DMAC2L: variants seen among roughly 807,000 people sequenced by gnomAD.
DMAC2L encodes the protein ATP synthase subunit s, mitochondrial.
Under a neutral mutation model 22.5 loss-of-function variants are expected in DMAC2L, and 21 were observed. The ratio of observed to expected loss-of-function variants is 0.93; its 90% CI spans 0.66 to 1.34. DMAC2L has a LOEUF of 1.34. Among genes scored for constraint, DMAC2L ranks in the 40% most tolerant of loss-of-function variants. The pLI is 0.00. For synonymous variants in DMAC2L, 86 were observed against 89.5 expected, an observed-to-expected ratio of 0.96 and a Z score of 0.22; for missense variants, 239 against 246.5, an observed-to-expected ratio of 0.97 and a Z score of 0.20.
upstream of DMAC2L, chr14:50,312,150 T>C (rs1477101414): frequency 6.2e-7 from 1 of 1,609,792 alleles, no homozygotes; most frequent in Non-Finnish European, 8.5e-7. Flanking sequence ...GCTGGCACCA[T>C]CCCCTACGCA....
chr14:50,314,641 A>G lies in DMAC2L; in HGVS notation c.-6+15A>G. Reference sequence around the variant, plus strand: ...TGGGTCATATGGTAAGTGCATGTTTATTTTTTATTTTTATTTTTGAGACAG... The same window carrying G: ...TGGGTCATATGGTAAGTGCATGTTTGTTTTTTATTTTTATTTTTGAGACAG... On this transcript the variant is annotated intron_variant, in intron 2 of 5. Transcript: ENST00000557421. 2.2e-6 allele frequency: 1 copy of G among 454,098 alleles called. No homozygotes were observed. Among genetic ancestry groups the G allele is most frequent in the South Asian group, 1.6e-5 (1 of 64,446 alleles). The allele number at this position is 454,098 out of a possible 1,614,324, so 28.1% of individuals were successfully genotyped here.
In DMAC2L at chr14:50,327,637, G is replaced by T. The variant is rs1026175725; in HGVS notation, c.*1914G>T. 1 of 151,850 alleles carries T rather than the reference G, an allele frequency of 6.6e-6. No homozygotes were observed. The highest frequency in any genetic ancestry group is 1.5e-5 in the Non-Finnish European group (1 of 68,042). 9.4% of individuals were successfully genotyped at this position (151,850 alleles called of 1,614,324 possible). The stretch of plus-strand genomic sequence containing the variant: ...CCACCACCACGCCCAGCTAATTTTT[G>T]TACTTTTAGTAGAGACAGGGTTTCA... On this transcript the variant is annotated 3_prime_UTR_variant, in exon 6 of 6. Coordinates refer to ENST00000557421, the MANE Select transcript of DMAC2L (RefSeq NM_001382507.1).
chr14:50,311,970 G>A (rs1444343397), upstream of DMAC2L: 5 of 1,543,360 alleles, frequency 3.2e-6, no homozygotes, highest in Admixed American at 2.0e-5. Flanking sequence ...CTCCGCGAGG[G>A]GCAGCAGCGC....
Position 50,324,068 on chromosome 14 carries a change from C to T in DMAC2L, c.440C>T (p.Ser147Phe). 1 of 1,613,860 alleles carries T rather than the reference C, an allele frequency of 6.2e-7. No individual in the cohort carries two copies. Among genetic ancestry groups the T allele is most frequent in the Non-Finnish European group, 8.5e-7 (1 of 1,179,900 alleles). The change falls in exon 5 of 6, where the codon TCC becomes TTC. Residue 147 changes from serine (S) to phenylalanine (F), a missense_variant. Coordinates refer to ENST00000557421, the MANE Select transcript of DMAC2L (RefSeq NM_001382507.1). ...ACCATATTGGAAATGGAAATAATATCCTGTGGGAATATCACAGACAAAGGC... is the reference window on the plus strand; with the variant it reads ...ACCATATTGGAAATGGAAATAATATTCTGTGGGAATATCACAGACAAAGGC... ...QKTILEMEIISCGNITDKGII... is the reference protein window; with the variant it reads ...QKTILEMEIIFCGNITDKGII...
At chr14:50,317,228 G>A (rs1306298252) in intron 2 of DMAC2L, among the ~76,000 whole-genome samples, 1 of 152,220 alleles carries the variant, frequency 6.6e-6, no homozygotes, top group African/African-American at 2.4e-5. Context: ...TTGATTCTCA[G>A]CTTGGTCACT....
Position 50,326,772 on chromosome 14 carries a change from G to A in DMAC2L, c.*1049G>A, listed in dbSNP as rs111446193. The A allele has an allele frequency of 9.6e-4, 950 of 985,020 alleles. 11 individuals are homozygous for A. In the African/African-American group the frequency reaches 0.016, roughly 16 times the overall value. The allele number at this position is 985,020 out of a possible 1,614,324, so 61.0% of individuals were successfully genotyped here. On this transcript the variant is annotated 3_prime_UTR_variant, in exon 6 of 6. Coordinates refer to ENST00000557421, the MANE Select transcript of DMAC2L (RefSeq NM_001382507.1). Reference sequence around the variant, plus strand: ...AACATTGCTTTAGGCTGGGTGCCGTGGCTCGTGCCTGTAATCCCAGTGCTT... The same window carrying A: ...AACATTGCTTTAGGCTGGGTGCCGTAGCTCGTGCCTGTAATCCCAGTGCTT...
chr14:50,311,905 C>T, upstream of DMAC2L: 1 of 1,464,932 alleles, frequency 6.8e-7, no homozygotes. Flanking sequence ...CCCCAACCTG[C>T]TCTCACCCCG....
At chr14:50,320,295 G>C (rs1177608583) in intron 2 of DMAC2L, among the ~76,000 whole-genome samples, 1 of 148,932 alleles carries the variant, frequency 6.7e-6, no homozygotes, top group Non-Finnish European at 1.5e-5. Context: ...ATTTTTAGTA[G>C]AGACAGAGTT....
intron 3 of DMAC2L, 81 bp downstream of exon 3, chr14:50,321,675 T>A (rs1204393399): frequency 9.5e-7 from 1 of 1,050,680 alleles, no homozygotes; most frequent in South Asian, 1.4e-5. Context: ...TGGCTATTTC[T>A]CATATTTACA....
At chr14:50,312,796 G>A (rs2031367547) in intron 1 of DMAC2L, 1 of 546,558 alleles carries the variant, frequency 1.8e-6, no homozygotes, top group African/African-American at 1.9e-5. Context: ...CCTCACGGAG[G>A]CTCTTTGTCA....
rs12839 is a variant in DMAC2L, at chr14:50,325,642, T to G, written c.522T>G (p.Pro174=). Reference sequence around the variant, plus strand: ...AATATTTGTTGTTAAGTGATCTTCCTGGAGTAAGAGAAAAAGAAAATCTTG... The same window carrying G: ...AATATTTGTTGTTAAGTGATCTTCCGGGAGTAAGAGAAAAAGAAAATCTTG... ...NLKYLLLSDL[P]GVREKENLVQ... is the part of the protein sequence containing the mutation. Residue 174 remains proline, a synonymous_variant, in exon 6 of 6, where the codon CCT becomes CCG. Transcript: ENST00000557421. 1.2e-6 allele frequency: 2 copies of G among 1,612,704 alleles called. No homozygotes were observed. The highest frequency in any genetic ancestry group is 8.5e-7 in the Non-Finnish European group (1 of 1,179,322).
chr14:50,312,692 A>T lies in DMAC2L; in HGVS notation c.-42+303A>T, dbSNP rs2031351547. On this transcript the variant is annotated intron_variant, in intron 1 of 5. Transcript: ENST00000557421. Reference sequence around the variant, plus strand: ...CGGCCCCGCACGCGGCCCGCGGTAGACGGAGGGCCTGGGCACCCACCGTCT... The same window carrying T: ...CGGCCCCGCACGCGGCCCGCGGTAGTCGGAGGGCCTGGGCACCCACCGTCT... 4 of 322,672 alleles carry T rather than the reference A, an allele frequency of 1.2e-5. No homozygotes were observed. The South Asian group carries it at 1.8e-4, about 14-fold the overall frequency. 20.0% of individuals were successfully genotyped at this position (322,672 alleles called of 1,614,324 possible).
upstream of DMAC2L, chr14:50,312,214 A>C (rs1595170303): frequency 6.3e-7 from 1 of 1,588,658 alleles, no homozygotes; most frequent in Non-Finnish European, 8.5e-7. Flanking sequence ...ACGGCCGAGG[A>C]CCCGCGCTCT....
intron 5 of DMAC2L, chr14:50,324,564 G>A (rs2032557309): frequency 6.5e-6 from 1 of 152,774 alleles, no homozygotes; most frequent in Non-Finnish European, 1.5e-5. Flanking sequence ...AACACTGCCT[G>A]ACACTGTAAT....
At chr14:50,323,039 A>G in intron 4 of DMAC2L, 1 of 1,235,974 alleles carries the variant, frequency 8.1e-7, no homozygotes, top group African/African-American at 1.6e-5. Context: ...TGCAGGAATA[A>G]TTATATCCAC....
In DMAC2L at chr14:50,312,357, T is replaced by C; in HGVS notation, c.-74T>C. 1 of 666,258 alleles carries C rather than the reference T, an allele frequency of 1.5e-6. No individual in the cohort carries two copies. The highest frequency in any genetic ancestry group is 1.9e-5 in the South Asian group (1 of 53,630). The allele number at this position is 666,258 out of a possible 1,614,324, so 41.3% of individuals were successfully genotyped here. ...CAGGGTGCCGCAGACGCGGGGACGC[T>C]GGCTCGCTCCCTCCCTCCCTCCCTC... On this transcript the variant is annotated 5_prime_UTR_variant, in exon 1 of 6. Coordinates refer to ENST00000557421, the MANE Select transcript of DMAC2L (RefSeq NM_001382507.1).
intron 2 of DMAC2L, among the ~76,000 whole-genome samples, chr14:50,319,804 G>A (rs1295428935): frequency 1.3e-5 from 2 of 152,162 alleles, no homozygotes. Flanking sequence ...CTCCTAATGT[G>A]ATTTCTTTTA....
chr14:50,311,934 AG>A (rs1050915610), upstream of DMAC2L: 31 of 1,523,242 alleles, frequency 2.0e-5, no homozygotes, highest in African/African-American at 4.0e-4. Flanking sequence ...AAATACGAAC[AG>A]GGGCACAGGT....
chr14:50,312,797 CTCTT>C, intron 1 of DMAC2L: 1 of 553,788 alleles, frequency 1.8e-6, no homozygotes, highest in Non-Finnish European at 3.2e-6. Context: ...CTCACGGAGG[CTCTT>C]TGTCACAGCG....
Sources: allele counts gnomAD v4.1 joint callset (sites outside exome capture counted in the v4.1 genomes callset), GRCh38; gene constraint gnomAD v4.1.1; transcripts MANE v1.5; gene names NCBI Gene and HGNC (gene_info 2026-07-23, HGNC 2026-07-21).